PHF24: variants seen among roughly 807,000 people sequenced by gnomAD.
The protein encoded by PHF24 is Galpha inhibitory interacting protein.
In PHF24, 25 loss-of-function variants were observed where a neutral mutation model predicts 42.6. The observed-to-expected ratio is 0.59, with a 90% CI of 0.43 to 0.82. PHF24 has a LOEUF of 0.82. PHF24 is among the 40% of genes least tolerant of loss of function. The pLI, the probability that PHF24 is intolerant of heterozygous loss-of-function variation, is 0.00. For missense variants in PHF24, 470 were observed against 538.1 expected (o/e 0.87, Z 1.25); for synonymous variants, 185 against 204.8 (o/e 0.90, Z 0.83).
the PHF24 span, chr9:34,835,541 A>G: frequency 6.4e-7 from 1 of 1,551,726 alleles, no homozygotes; most frequent in Non-Finnish European, 8.7e-7. Context: ...CTGGAAATTC[A>G]AGTGATGCTG....
At chr9:34,683,067 T>C in the PHF24 span, among the ~76,000 whole-genome samples, 1 of 1,398 alleles carries the variant, frequency 7.2e-4, no homozygotes, top group Non-Finnish European at 9.3e-3. Flanking sequence ...CTTTCTCTCT[T>C]TTTTTTTTTT....
At chr9:34,809,053 T>A in the PHF24 span, among the ~76,000 whole-genome samples, 531 of 148,476 alleles carry the variant, frequency 3.6e-3, 1 homozygote, top group South Asian at 0.016. The surrounding 1 kb of genome is among the most constrained non-coding windows in gnomAD (Gnocchi z 4.1). Flanking sequence ...AAAAAAATAA[T>A]AAATAAATAA....
At chr9:34,977,880 G>T in intron 7 of PHF24, 135 bp from the exon 8 acceptor site, 1 of 800,828 alleles carries the variant, frequency 1.2e-6, no homozygotes, top group Non-Finnish European at 2.1e-6. Context: ...GTTTTGTGTA[G>T]CTCAAGCCAT....
At chr9:34,833,025 G>A in the PHF24 span, 1 of 1,551,562 alleles carries the variant, frequency 6.4e-7, no homozygotes, top group Non-Finnish European at 8.7e-7. Context: ...GACCCTCGGG[G>A]TGTCTTGTTT....
chr9:34,668,105 C>G, the PHF24 span, among the ~76,000 whole-genome samples: 1 of 152,122 alleles, frequency 6.6e-6, no homozygotes. Flanking sequence ...AGGCAGAGTC[C>G]CCAGAGTTGT....
the PHF24 span, among the ~76,000 whole-genome samples, chr9:34,891,705 T>C: frequency 6.6e-6 from 1 of 152,194 alleles, no homozygotes; most frequent in Non-Finnish European, 1.5e-5. Context: ...TTCCTCCCTC[T>C]TGAGGACTGA....
At chr9:34,756,687 G>A in the PHF24 span, among the ~76,000 whole-genome samples, 1 of 151,986 alleles carries the variant, frequency 6.6e-6, no homozygotes, top group Admixed American at 6.6e-5. Flanking sequence ...ATTGATTTTG[G>A]CTATTCGAGG....
the PHF24 span, among the ~76,000 whole-genome samples, chr9:34,948,804 A>ATCC: frequency 2.6e-5 from 4 of 152,220 alleles, no homozygotes; most frequent in African/African-American, 9.6e-5. Context: ...AGCATTTCAG[A>ATCC]TAAGGGATAC....
the PHF24 span, among the ~76,000 whole-genome samples, chr9:34,829,078 A>G: frequency 1.3e-5 from 2 of 152,318 alleles, no homozygotes; most frequent in East Asian, 3.9e-4. Context: ...TAATGGTAGC[A>G]GTAGAGAGAG....
At chr9:34,888,854 C>G in the PHF24 span, among the ~76,000 whole-genome samples, 1 of 152,204 alleles carries the variant, frequency 6.6e-6, no homozygotes, top group Non-Finnish European at 1.5e-5. Context: ...CCTTTTCTTT[C>G]AATGCACCTA....
At chr9:34,802,957 T>C in the PHF24 span, among the ~76,000 whole-genome samples, 13 of 152,228 alleles carry the variant, frequency 8.5e-5, no homozygotes, top group African/African-American at 2.4e-4. Flanking sequence ...TAGACCCTGA[T>C]TAAACATAAA....
chr9:34,743,425 C>T, the PHF24 span, among the ~76,000 whole-genome samples: 1 of 152,230 alleles, frequency 6.6e-6, no homozygotes, highest in Non-Finnish European at 1.5e-5. Flanking sequence ...TATTTACAAA[C>T]ATAGTAAACC....
chr9:34,837,477 T>C, the PHF24 span: 10 of 569,966 alleles, frequency 1.8e-5, no homozygotes, highest in East Asian at 3.1e-4. Context: ...GGGAATAATG[T>C]AGAGAATTTT....
At chr9:34,826,802 T>C in the PHF24 span, among the ~76,000 whole-genome samples, 1 of 152,144 alleles carries the variant, frequency 6.6e-6, no homozygotes, top group Non-Finnish European at 1.5e-5. Flanking sequence ...CAAGCACTGA[T>C]GTATTCCTAG....
At chr9:34,942,248 T>C in the PHF24 span, among the ~76,000 whole-genome samples, 2 of 152,192 alleles carry the variant, frequency 1.3e-5, no homozygotes, top group African/African-American at 4.8e-5. Context: ...GCCTTCCATG[T>C]TGGGACAGAG....
the PHF24 span, among the ~76,000 whole-genome samples, chr9:34,932,798 TA>T: frequency 1.3e-5 from 2 of 151,670 alleles, no homozygotes; most frequent in Non-Finnish European, 2.9e-5. Context: ...CCTGTCACTA[TA>T]AAAAATACTA....
chr9:34,772,288 C>G, the PHF24 span, among the ~76,000 whole-genome samples: 1 of 152,082 alleles, frequency 6.6e-6, no homozygotes, highest in Non-Finnish European at 1.5e-5. Context: ...TTAAAATATG[C>G]CAATATTTAG....
chr9:34,973,469 T>G (rs1386879350), intron 3 of PHF24, among the ~76,000 whole-genome samples: 6 of 152,234 alleles, frequency 3.9e-5, no homozygotes, highest in Non-Finnish European at 5.9e-5. Context: ...GTCTAAGGTT[T>G]CCATTGAAAG....
At chr9:34,957,952 C>T (rs1826423722), upstream of PHF24, among the ~76,000 whole-genome samples, 2 of 151,602 alleles carry the variant, frequency 1.3e-5, no homozygotes, top group Admixed American at 6.6e-5. Flanking sequence ...TGGCGCAGTC[C>T]CCGCGCCGCA....
Sources: allele counts gnomAD v4.1 joint callset (sites outside exome capture counted in the v4.1 genomes callset), GRCh38; gene constraint gnomAD v4.1.1; non-coding constraint Gnocchi (gnomAD v3.1); transcripts MANE v1.5; gene names NCBI Gene and HGNC (gene_info 2026-07-23, HGNC 2026-07-21).